SLC25A48: variants seen among roughly 807,000 people sequenced by gnomAD.
The protein encoded by SLC25A48 is solute carrier family 25 member 48.
In SLC25A48, 29 loss-of-function variants were observed where a neutral mutation model predicts 32.2. The observed-to-expected ratio is 0.90, with a 90% confidence interval of 0.67 to 1.23. The LOEUF is 1.23. Among genes scored for constraint, SLC25A48 ranks in the 50% most tolerant of loss-of-function variants. SLC25A48 has a pLI of 0.00. For synonymous variants in SLC25A48, 164 were observed against 172.3 expected (o/e 0.95, Z 0.38); for missense variants, 399 against 422.7 (o/e 0.94, Z 0.49).
At chr5:135,870,394 T>C (rs1761542079) in intron 4 of SLC25A48, among the ~76,000 whole-genome samples, 1 of 151,960 alleles carries the variant, frequency 6.6e-6, no homozygotes, top group African/African-American at 2.4e-5. Flanking sequence ...CAGAGAAGGG[T>C]CCGTAGCAGA....
At chr5:135,740,779 C>A (rs1328093322) in intron 3 of SLC25A48, among the ~76,000 whole-genome samples, 1 of 152,140 alleles carries the variant, frequency 6.6e-6, no homozygotes, top group Non-Finnish European at 1.5e-5. Flanking sequence ...GAAAAGCTGC[C>A]CCCCAGCCCT....
intron 3 of SLC25A48, among the ~76,000 whole-genome samples, chr5:135,681,314 C>T (rs1051088566): frequency 6.6e-6 from 1 of 152,146 alleles, no homozygotes; most frequent in Non-Finnish European, 1.5e-5. Flanking sequence ...TCTTCAAGTT[C>T]ACTATTTTCT....
chr5:135,771,810 AG>A (rs561086259), intron 3 of SLC25A48, among the ~76,000 whole-genome samples: 18 of 73,766 alleles, frequency 2.4e-4, no homozygotes, highest in East Asian at 6.6e-4. Flanking sequence ...TGTAATATTT[AG>A]GGGGGGGAGA....
intron 3 of SLC25A48, among the ~76,000 whole-genome samples, chr5:135,671,954 C>T (rs1359318035): frequency 3.3e-5 from 5 of 151,800 alleles, no homozygotes; most frequent in Non-Finnish European, 7.4e-5. Flanking sequence ...GAGAAGCCCC[C>T]AATCCCTGGC....
rs568424532 is a variant in SLC25A48 at position 135,882,796 on chromosome 5, C to T, written c.*7+2699C>T. ...CCCTGGAATAGTGCTGGTCTGCCCT[C>T]GGTCCTGACATGCATGCTGCAGGTC... On this transcript the variant is annotated intron_variant, in intron 7 of 7. Transcript: ENST00000681962. Among the ~76,000 whole-genome samples the T allele has an allele frequency of 9.2e-5, 14 of 152,304 alleles. No individual in the cohort carries two copies. In the East Asian group the frequency reaches 1.2e-3, roughly 13 times the overall value.
chr5:135,840,324 G>A (rs922142789), intron 1 of SLC25A48, among the ~76,000 whole-genome samples: 2 of 152,166 alleles, frequency 1.3e-5, no homozygotes, highest in African/African-American at 2.4e-5. Context: ...CTCTATGCAT[G>A]CTAAAAGTGA....
At chr5:135,772,592 G>A (rs1054433342) in intron 3 of SLC25A48, among the ~76,000 whole-genome samples, 1 of 151,490 alleles carries the variant, frequency 6.6e-6, no homozygotes, top group Non-Finnish European at 1.5e-5. Context: ...TATCGCAGGG[G>A]GTGTACAGAG....
rs1430222818 is a variant in SLC25A48, at chr5:135,735,740, G to A, written c.-520-76783G>A. On this transcript the variant is annotated intron_variant, in intron 3 of 10. Transcript: ENST00000646290. Reference sequence around the variant, plus strand: ...AAAATTTCCTGTGAATCTGGGGAGAGGGTAGAAGTTAGGATGACATTTAAG... The same window carrying A: ...AAAATTTCCTGTGAATCTGGGGAGAAGGTAGAAGTTAGGATGACATTTAAG... Among the ~76,000 whole-genome samples the A allele has an allele frequency of 2.0e-5, 3 of 152,158 alleles. No individual in the cohort carries two copies. The East Asian group carries it at 5.8e-4, about 29-fold the overall frequency.
chr5:135,801,434 T>C (rs1757324167), intron 3 of SLC25A48, among the ~76,000 whole-genome samples: 3 of 151,152 alleles, frequency 2.0e-5, no homozygotes, highest in Admixed American at 2.0e-4. Context: ...GCTTGTGATA[T>C]TGTTGGTAAT....
intron 3 of SLC25A48, among the ~76,000 whole-genome samples, chr5:135,755,476 TTATCA>T (rs752376873): frequency 1.1e-4 from 17 of 152,010 alleles, no homozygotes; most frequent in Admixed American, 3.3e-4. Context: ...GCTGTGATAC[TTATCA>T]TATCATATCT....
At chr5:135,878,226 C>T (rs545913740) in intron 6 of SLC25A48, among the ~76,000 whole-genome samples, 15 of 152,294 alleles carry the variant, frequency 9.8e-5, no homozygotes, top group African/African-American at 3.6e-4. Flanking sequence ...CCCACAGCTC[C>T]TGCAGGGCCC....
chr5:135,834,935 C>G (rs760211249), intron 1 of SLC25A48, 42 bp downstream of exon 1: 10 of 1,582,398 alleles, frequency 6.3e-6, no homozygotes, highest in South Asian at 2.3e-5. Context: ...AGAGAGCGAG[C>G]CTGGCGGAGT....
At chr5:135,724,860 A>C (rs756438472) in intron 3 of SLC25A48, among the ~76,000 whole-genome samples, 5 of 152,244 alleles carry the variant, frequency 3.3e-5, no homozygotes, top group Non-Finnish European at 5.9e-5. Context: ...AACTGGAAAG[A>C]AGGCAGTGAC....
intron 4 of SLC25A48, among the ~76,000 whole-genome samples, chr5:135,868,926 GA>G (rs988447527): frequency 1.2e-4 from 18 of 152,226 alleles, no homozygotes; most frequent in African/African-American, 4.3e-4. Context: ...CTCTTACCTG[GA>G]AATGAATGGG....
chr5:135,587,520 G>A (rs1392718199), intron 1 of SLC25A48, among the ~76,000 whole-genome samples: 1 of 152,196 alleles, frequency 6.6e-6, no homozygotes, highest in Non-Finnish European at 1.5e-5. Flanking sequence ...GGGAGGAAGT[G>A]ATTGGGTCTG....
Position 135,712,672 on chromosome 5 carries a change from C to G in SLC25A48, c.-521+77716C>G, listed in dbSNP as rs558039288. On this transcript the variant is annotated intron_variant, in intron 3 of 10. Coordinates refer to the SLC25A48 transcript ENST00000646290. ...GGCTCACCAAAAGATCAGCTTCCTCCCCTTGAATGCTTGTGGGGAGGAGAG... is the reference window on the plus strand; with the variant it reads ...GGCTCACCAAAAGATCAGCTTCCTCGCCTTGAATGCTTGTGGGGAGGAGAG... 3.3e-5 allele frequency among the ~76,000 whole-genome samples: 5 copies of G among 152,332 alleles called. No homozygotes were observed. The East Asian group carries it at 9.7e-4, about 29-fold the overall frequency.
At chr5:135,677,124 A>C (rs1753790918) in intron 3 of SLC25A48, among the ~76,000 whole-genome samples, 1 of 151,918 alleles carries the variant, frequency 6.6e-6, no homozygotes, top group South Asian at 2.1e-4. Context: ...TTCTTTATGA[A>C]TCTGAATGCT....
intron 3 of SLC25A48, among the ~76,000 whole-genome samples, chr5:135,728,030 T>A (rs1271145569): frequency 6.6e-6 from 1 of 152,016 alleles, no homozygotes; most frequent in African/African-American, 2.4e-5. Flanking sequence ...CCGAGGCAGG[T>A]GGATCACCTG....
Position 135,672,687 on chromosome 5 carries a change from A to C in SLC25A48, c.-521+37731A>C, listed in dbSNP as rs142937910. Among the ~76,000 whole-genome samples, 570 of 152,334 alleles carry C rather than the reference A, an allele frequency of 3.7e-3. 5 individuals carry two copies. Among genetic ancestry groups the C allele is most frequent in the African/African-American group, 0.013 (543 of 41,576 alleles). ...CCCCTGTTTTTTTCGTAGTTTTTGC[A>C]AAAGTTATTTATTATTTACAGTTTT... On this transcript the variant is annotated intron_variant, in intron 3 of 10. Coordinates refer to the SLC25A48 transcript ENST00000646290.
Sources: allele counts gnomAD v4.1 joint callset (sites outside exome capture counted in the v4.1 genomes callset), GRCh38; gene constraint gnomAD v4.1.1; transcripts MANE v1.5; gene names NCBI Gene and HGNC (gene_info 2026-07-23, HGNC 2026-07-21).